Variants in IFT43 observed in about 807,000 individuals in gnomAD.
IFT43 encodes intraflagellar transport 43.
Under a neutral mutation model 32.3 loss-of-function variants are expected in IFT43, and 33 were observed. The ratio of observed to expected loss-of-function variants is 1.02; its 90% confidence interval spans 0.77 to 1.37. IFT43 has a LOEUF of 1.37. Among genes scored for constraint, IFT43 ranks in the 40% most tolerant of loss-of-function variants. The pLI is 0.00. For missense variants in IFT43, 274 were observed against 265.9 expected, an observed-to-expected ratio of 1.03 and a Z score of -0.21; for synonymous variants, 93 against 98.2, an observed-to-expected ratio of 0.95 and a Z score of 0.31.
At chr14:76,028,685 C>A (rs2036452124) in intron 3 of IFT43, among the ~76,000 whole-genome samples, 1 of 152,150 alleles carries the variant, frequency 6.6e-6, no homozygotes, top group South Asian at 2.1e-4. Context: ...GATTTAGCTC[C>A]TACTTATAAG....
chr14:76,034,656 G>A (rs1325389487), intron 3 of IFT43, among the ~76,000 whole-genome samples: 3 of 152,186 alleles, frequency 2.0e-5, no homozygotes, highest in Non-Finnish European at 4.4e-5. Context: ...GGGATACCTT[G>A]GCTTTATTTG....
chr14:76,026,638 G>C (rs1270889739), intron 3 of IFT43, among the ~76,000 whole-genome samples: 1 of 152,078 alleles, frequency 6.6e-6, no homozygotes, highest in African/African-American at 2.4e-5. Flanking sequence ...GTTAGCGTGA[G>C]TGTAAATTAG....
At chr14:76,053,482 C>T (rs949095780) in intron 3 of IFT43, among the ~76,000 whole-genome samples, 4 of 152,136 alleles carry the variant, frequency 2.6e-5, no homozygotes, top group East Asian at 1.9e-4. Flanking sequence ...GCAAGACAAC[C>T]GCCTTCACCT....
At chr14:75,986,418 G>T in intron 1 of IFT43, 1 of 375,504 alleles carries the variant, frequency 2.7e-6, no homozygotes, top group Non-Finnish European at 4.1e-6. Flanking sequence ...ACTGAGGCCA[G>T]ATGGAGCATA....
chr14:76,047,446 A>G (rs1170677265), intron 3 of IFT43, among the ~76,000 whole-genome samples: 1 of 152,210 alleles, frequency 6.6e-6, no homozygotes, highest in Non-Finnish European at 1.5e-5. Context: ...AAGAAGTCAT[A>G]TTAAGCAGGA....
chr14:76,010,286 A>G (rs1397205855), intron 2 of IFT43, among the ~76,000 whole-genome samples: 1 of 152,186 alleles, frequency 6.6e-6, no homozygotes, highest in Non-Finnish European at 1.5e-5. Context: ...TCCCCAGCAT[A>G]TTAGGAATTA....
At chr14:76,055,217 G>A (rs928073977) in intron 3 of IFT43, among the ~76,000 whole-genome samples, 3 of 151,936 alleles carry the variant, frequency 2.0e-5, no homozygotes, top group South Asian at 2.1e-4. Context: ...ACGGTGGCAC[G>A]CACTTGTAGT....
intron 2 of IFT43, among the ~76,000 whole-genome samples, chr14:75,999,258 TATATATATATA>T (rs2035823435): frequency 2.2e-4 from 3 of 13,858 alleles, no homozygotes; most frequent in African/African-American, 9.2e-4. Context: ...TATATATATA[TATATATATATA>T]TATGTATATA....
At chr14:76,035,753 C>T (rs1016429350) in intron 3 of IFT43, among the ~76,000 whole-genome samples, 5 of 152,230 alleles carry the variant, frequency 3.3e-5, no homozygotes, top group African/African-American at 1.2e-4. Flanking sequence ...TTAGCTGGAG[C>T]TGCCCAGCTG....
intron 3 of IFT43, among the ~76,000 whole-genome samples, chr14:76,024,218 C>T (rs1156861497): frequency 3.9e-5 from 6 of 152,224 alleles, no homozygotes; most frequent in African/African-American, 1.4e-4. Flanking sequence ...CCAGGATAAG[C>T]ATCCACATCT....
At chr14:75,999,590 A>C (rs1311805296) in intron 2 of IFT43, among the ~76,000 whole-genome samples, 1 of 152,176 alleles carries the variant, frequency 6.6e-6, no homozygotes, top group African/African-American at 2.4e-5. Flanking sequence ...ATAATTCTGA[A>C]GTACTATCTG....
chr14:76,067,859 G>A (rs1005493988), intron 5 of IFT43, among the ~76,000 whole-genome samples: 1 of 152,086 alleles, frequency 6.6e-6, no homozygotes, highest in Non-Finnish European at 1.5e-5. Context: ...AAAATTTTTC[G>A]AATTCACGTT....
intron 3 of IFT43, among the ~76,000 whole-genome samples, chr14:76,038,775 T>C (rs1321091502): frequency 6.6e-6 from 1 of 152,226 alleles, no homozygotes; most frequent in East Asian, 1.9e-4. Flanking sequence ...CTATCTTTAG[T>C]CCTTTCCTAT....
chr14:76,076,883 A>G (rs757794303), intron 5 of IFT43, among the ~76,000 whole-genome samples: 4 of 152,102 alleles, frequency 2.6e-5, no homozygotes, highest in Admixed American at 2.0e-4. Context: ...TTGGTATTCT[A>G]TAAGTTTCTA....
intron 2 of IFT43, 38 bp downstream of exon 2, chr14:75,989,015 G>C: frequency 1.2e-6 from 2 of 1,610,442 alleles, no homozygotes; most frequent in Non-Finnish European, 1.7e-6. Context: ...AAGAAATACT[G>C]TTTAAGAGTT....
chr14:76,007,244 G>A (rs1482032719), intron 2 of IFT43, among the ~76,000 whole-genome samples: 2 of 152,100 alleles, frequency 1.3e-5, no homozygotes. Flanking sequence ...TACTTATAGT[G>A]TCTTCTCCTT....
At chr14:76,004,028 G>A (rs552281573) in intron 2 of IFT43, among the ~76,000 whole-genome samples, 8 of 152,120 alleles carry the variant, frequency 5.3e-5, no homozygotes, top group South Asian at 2.1e-4. Flanking sequence ...CACCTGCCTC[G>A]GCCTCCCAAA....
chr14:76,017,766 G>A (rs936529953), intron 2 of IFT43, among the ~76,000 whole-genome samples: 3 of 151,894 alleles, frequency 2.0e-5, no homozygotes, highest in Non-Finnish European at 4.4e-5. Flanking sequence ...ATTTCTTCCT[G>A]GTTCAATCTT....
intron 2 of IFT43, among the ~76,000 whole-genome samples, chr14:75,992,298 T>C (rs1476583776): frequency 6.6e-6 from 1 of 152,176 alleles, no homozygotes; most frequent in Non-Finnish European, 1.5e-5. Context: ...TACCACCAGG[T>C]TGATATGGGG....
Sources: allele counts gnomAD v4.1 joint callset (sites outside exome capture counted in the v4.1 genomes callset), GRCh38; gene constraint gnomAD v4.1.1; transcripts MANE v1.5; gene names NCBI Gene and HGNC (gene_info 2026-07-23, HGNC 2026-07-21).